Variants in NOD2 observed in about 807,000 individuals in gnomAD.
The protein encoded by NOD2 is nucleotide-binding oligomerization domain-containing protein 2.
A neutral mutation model predicts 90.9 loss-of-function variants in NOD2; 86 were observed. The observed-to-expected ratio is 0.95, with a 90% CI of 0.79 to 1.13. NOD2 has a LOEUF of 1.13. Among genes scored for constraint, NOD2 ranks in the 50% most tolerant of loss-of-function variants. The probability of loss-of-function intolerance (pLI) is 0.00; values close to 1 mark genes in which losing one functional copy is unlikely to be tolerated. For synonymous variants in NOD2, 581 were observed against 554.6 expected, an observed-to-expected ratio of 1.05 and a Z score of -0.67; for missense variants, 1,238 against 1,283.8, an observed-to-expected ratio of 0.96 and a Z score of 0.55.
chr16:50,730,500 G>A (rs1305755110), intron 11 of NOD2, among the ~76,000 whole-genome samples: 1 of 152,182 alleles, frequency 6.6e-6, no homozygotes, highest in Non-Finnish European at 1.5e-5. Flanking sequence ...TGTTTCCAGG[G>A]ATCTATTTCT....
In NOD2 at chr16:50,699,955, G is replaced by A. The variant is rs1425704084; in HGVS notation, c.459+1G>A. ...GCCGATCTTCACACCGTCCCAGAGG[G>A]TGAGGCACTCCTGGTGTGCATCACA... On this transcript the variant is annotated splice_donor_variant, in intron 2 of 11. Transcript: ENST00000647318. LOFTEE classifies it high-confidence loss of function. 6.2e-7 allele frequency: 1 copy of A among 1,603,966 alleles called. No individual in the cohort carries two copies. Among genetic ancestry groups the A allele is most frequent in the Non-Finnish European group, 8.5e-7 (1 of 1,179,496 alleles).
At chr16:50,700,263 G>A (rs949495771) in intron 2 of NOD2, among the ~76,000 whole-genome samples, 7 of 152,026 alleles carry the variant, frequency 4.6e-5, no homozygotes, top group African/African-American at 1.4e-4. Flanking sequence ...CTGGGACTAC[G>A]GCTGCTGTAC....
At chr16:50,731,072 G>T (rs1965437039) in intron 11 of NOD2, among the ~76,000 whole-genome samples, 1 of 152,064 alleles carries the variant, frequency 6.6e-6, no homozygotes, top group South Asian at 2.1e-4. Context: ...TGGGAGGCTG[G>T]GATGGAAGGA....
At position 50,699,648 on chromosome 16, in the gene NOD2, C is replaced by G; in HGVS notation, c.153C>G (p.Gly51=). The G allele has an allele frequency of 4.3e-6, 7 of 1,614,178 alleles. No individual in the cohort carries two copies. Among genetic ancestry groups the G allele is most frequent in the Non-Finnish European group, 5.9e-6 (7 of 1,180,038 alleles). ...ACTACGAGGGCTTCCACCTCCTGGG[C>G]CAGCCTCTCTCCCACTTGGCCAGGC... The part of the protein sequence containing the change: ...WEDYEGFHLL[G]QPLSHLARRL... The change falls in exon 2 of 12, where the codon GGC becomes GGG. Residue 51 remains glycine (G), a synonymous_variant. Transcript: ENST00000647318.
Position 50,725,550 on chromosome 16 carries a change from A to T in NOD2, c.2863A>T (p.Asn955Tyr), listed in dbSNP as rs1397558369. The T allele has an allele frequency of 6.2e-7, 1 of 1,614,036 alleles. No individual in the cohort carries two copies. Among genetic ancestry groups the T allele is most frequent in the Non-Finnish European group, 8.5e-7 (1 of 1,179,888 alleles). The change falls in exon 10 of 12, where the codon AAT becomes TAT. Residue 955 changes from asparagine to tyrosine, a missense_variant. By Grantham distance (143) the Asn-to-Tyr change is moderately radical. This residue lies in a region of NOD2 where 667 missense variants were observed against 688.7 expected (regional missense o/e 0.97). Coordinates refer to ENST00000647318, the MANE Select transcript of NOD2 (RefSeq NM_001370466.1). The stretch of plus-strand genomic sequence containing the variant: ...TTCTCTCGCAGAAGGACTGAAGAAA[A>T]ATTCAAGTTTGAAAATCCTGAAGTA... ...VCSLAEGLKK[N>Y]SSLKILKLSN...
rs192451626 is a variant in NOD2, at chr16:50,725,998, C to T, written c.2885+426C>T. ...CGCTCATGGGGCACTGATTCTCCAG[C>T]ACTTCCAGCTCACCCTCACCCAGCT... On this transcript the variant is annotated intron_variant, in intron 10 of 11. Transcript: ENST00000647318. 1.2e-3 allele frequency among the ~76,000 whole-genome samples: 185 copies of T among 152,326 alleles called. 1 individual carries two copies. Among genetic ancestry groups the T allele is most frequent in the Middle Eastern group, 0.01 (3 of 294 alleles).
intron 1 of NOD2, chr16:50,697,549 G>A (rs2150777339): frequency 1.6e-6 from 1 of 613,824 alleles, no homozygotes; most frequent in Non-Finnish European, 2.9e-6. Context: ...ACCACTCCAG[G>A]GCCAAGCCCA....
chr16:50,699,878 T>G lies in NOD2; in HGVS notation c.383T>G (p.Leu128Arg), dbSNP rs148753593. ...LHSHVENMLD[L>R]AWERGFVSQY... The stretch of plus-strand genomic sequence containing the variant: ...AGCCATGTGGAGAACATGCTGGACC[T>G]GGCATGGGAGCGGGGTTTCGTCAGC... Residue 128 changes from leucine (L) to arginine (R), a missense_variant, in exon 2 of 12, where the codon CTG (leucine) becomes CGG (arginine). Coordinates refer to ENST00000647318, the MANE Select transcript of NOD2 (RefSeq NM_001370466.1). 1 of 1,613,270 alleles carries G rather than the reference T, an allele frequency of 6.2e-7. No homozygotes were observed.
At chr16:50,722,502 G>A in intron 7 of NOD2, 120 bp from the exon 8 acceptor site, 1 of 973,838 alleles carries the variant, frequency 1.0e-6, no homozygotes. Context: ...GGCCACTCTG[G>A]GATTGAGTGG....
intron 1 of NOD2, 93 bp from the exon 2 acceptor site, chr16:50,699,395 G>T: frequency 9.8e-7 from 1 of 1,017,846 alleles, no homozygotes; most frequent in East Asian, 2.4e-5. Flanking sequence ...GGCCAACTCG[G>T]GTTCTGCTGG....
In NOD2 at chr16:50,699,845, G is replaced by A; in HGVS notation, c.350G>A (p.Arg117Lys). The change falls in exon 2 of 12, where the codon AGG (arginine) becomes AAG (lysine). Residue 117 changes from arginine to lysine, a missense_variant. This residue lies in a region of NOD2 where 567 missense variants were observed against 577.3 expected (regional missense o/e 0.98). Coordinates refer to ENST00000647318, the MANE Select transcript of NOD2 (RefSeq NM_001370466.1). ...AGTCACCGGCCAGCCATTGTCAGGAGGCTCCACAGCCATGTGGAGAACATG... is the reference window on the plus strand; with the variant it reads ...AGTCACCGGCCAGCCATTGTCAGGAAGCTCCACAGCCATGTGGAGAACATG... Reference protein sequence around the residue: ...LQSHRPAIVRRLHSHVENMLD... With the variant: ...LQSHRPAIVRKLHSHVENMLD... The A allele has an allele frequency of 6.2e-7, 1 of 1,613,528 alleles. No individual in the cohort carries two copies. Among genetic ancestry groups the A allele is most frequent in the Non-Finnish European group, 8.5e-7 (1 of 1,179,918 alleles).
intron 4 of NOD2, chr16:50,712,642 G>A: frequency 3.7e-6 from 2 of 534,582 alleles, no homozygotes; most frequent in Admixed American, 3.2e-5. Flanking sequence ...TGGCGGGTAG[G>A]CAGGAATGTT....
chr16:50,706,778 C>A (rs1964213096), intron 2 of NOD2, among the ~76,000 whole-genome samples: 1 of 150,456 alleles, frequency 6.6e-6, no homozygotes, highest in African/African-American at 2.5e-5. Flanking sequence ...CTCACTGCAA[C>A]CTCCGCCTCC....
At chr16:50,718,498 T>G (rs572104886) in intron 6 of NOD2, among the ~76,000 whole-genome samples, 1 of 152,358 alleles carries the variant, frequency 6.6e-6, no homozygotes, top group African/African-American at 2.4e-5. Flanking sequence ...ATTTTTGGAC[T>G]GCAGTTGATT....
rs5743290 is a variant in NOD2, at chr16:50,723,277, C to T, written c.2718-24C>T. On this transcript the variant is annotated intron_variant, in intron 8 of 11. Coordinates refer to ENST00000647318, the MANE Select transcript of NOD2 (RefSeq NM_001370466.1). ...TGAGGTCTTTCCCTGCTCTGACATA[C>T]TTTTGTTCCATGATTACCTCCAGCC... 7.3e-4 allele frequency: 1,182 copies of T among 1,610,228 alleles called. 11 individuals carry two copies. The African/African-American group carries it at 0.014, about 19-fold the overall frequency.
chr16:50,713,515 A>ATG (rs1964636121), intron 4 of NOD2: 1 of 152,242 alleles, frequency 6.6e-6, no homozygotes, highest in East Asian at 1.9e-4. Flanking sequence ...GAATATATAT[A>ATG]TGTATTATAT....
chr16:50,725,096 C>T (rs1316898533), intron 9 of NOD2, among the ~76,000 whole-genome samples: 27 of 152,212 alleles, frequency 1.8e-4, no homozygotes, highest in Admixed American at 1.7e-3. Context: ...TCGACTTCCC[C>T]TTATGTATCA....
chr16:50,711,962 G>T lies in NOD2; in HGVS notation c.1970G>T (p.Arg657Leu). The T allele has an allele frequency of 6.2e-7, 1 of 1,613,146 alleles. No homozygotes were observed. The highest frequency in any genetic ancestry group is 1.1e-5 in the South Asian group (1 of 91,018). Residue 657 changes from arginine to leucine, a missense_variant, in exon 4 of 12, where the codon CGG becomes CTG. Physicochemically the swap from Arg to Leu is moderately radical, Grantham distance 102. Around this residue, in one of 3 missense-constraint regions of NOD2, gnomAD observed 667 missense variants for 688.7 expected, o/e 0.97. Transcript: ENST00000647318. ...GCCTTCCTGGCAGGGCTGTTGTCCC[G>T]GGAGCACTGGGGCCTGCTGGCTGAG... ...TAAFLAGLLS[R>L]EHWGLLAECQ...
At chr16:50,699,343 G>T (rs1303691392) in intron 1 of NOD2, 145 bp from the exon 2 acceptor site, 2 of 703,242 alleles carry the variant, frequency 2.8e-6, no homozygotes, top group Non-Finnish European at 5.1e-6. Context: ...ACATCTATAT[G>T]GTGGGGAGCT....
Sources: allele counts gnomAD v4.1 joint callset (sites outside exome capture counted in the v4.1 genomes callset), GRCh38; gene constraint gnomAD v4.1.1; regional missense constraint gnomAD v4.1.1; transcripts MANE v1.5; gene names NCBI Gene and HGNC (gene_info 2026-07-23, HGNC 2026-07-21).